The following L3MBTL4 variants were observed in gnomAD, a reference collection of about 807,000 sequenced individuals.
L3MBTL4 encodes the protein L3MBTL histone methyl-lysine binding protein 4.
L3MBTL4 carries 70 observed loss-of-function variants against 84.5 expected under a neutral mutation model. The observed-to-expected ratio is 0.83, with a 90% CI of 0.68 to 1.01. The LOEUF (loss-of-function observed/expected upper bound fraction) is 1.01. Among genes scored for constraint, L3MBTL4 ranks in the 50% least tolerant of loss-of-function variants. L3MBTL4 has a pLI of 0.00. For missense variants in L3MBTL4, 715 were observed against 754.8 expected (o/e 0.95, Z 0.62); for synonymous variants, 274 against 259.8 (o/e 1.05, Z -0.52).
chr18:6,105,048 T>C (rs1323783328), intron 14 of L3MBTL4, among the ~76,000 whole-genome samples: 1 of 152,160 alleles, frequency 6.6e-6, no homozygotes, highest in Admixed American at 6.5e-5. Flanking sequence ...GGGGCATTAA[T>C]ATAATTGGTG....
At chr18:6,080,742 A>G in intron 16 of L3MBTL4, 139 bp downstream of exon 16, 1 of 605,446 alleles carries the variant, frequency 1.7e-6, no homozygotes, top group Non-Finnish European at 2.8e-6. Context: ...CGGGAACTAG[A>G]ACACAAGTCT....
At chr18:6,117,919 G>A (rs1421570551) in intron 14 of L3MBTL4, among the ~76,000 whole-genome samples, 1 of 152,098 alleles carries the variant, frequency 6.6e-6, no homozygotes, top group Non-Finnish European at 1.5e-5. Flanking sequence ...CAGCCCTTAT[G>A]TTTACTGCAT....
intron 16 of L3MBTL4, among the ~76,000 whole-genome samples, chr18:6,034,462 A>G (rs1030626308): frequency 2.6e-4 from 40 of 152,264 alleles, no homozygotes; most frequent in African/African-American, 9.4e-4. Context: ...CCCTGTCCCT[A>G]CAAACGACAT....
chr18:6,379,042 G>A (rs1026689785), intron 1 of L3MBTL4, among the ~76,000 whole-genome samples: 1 of 152,176 alleles, frequency 6.6e-6, no homozygotes, highest in Non-Finnish European at 1.5e-5. Flanking sequence ...CACATCCCTT[G>A]TAAGTTGTAT....
In L3MBTL4 at chr18:5,969,469, C is replaced by G; in HGVS notation, c.1538G>C (p.Arg513Thr). 6.2e-7 allele frequency: 1 copy of G among 1,614,050 alleles called. No homozygotes were observed. The highest frequency in any genetic ancestry group is 8.5e-7 in the Non-Finnish European group (1 of 1,180,026). The change falls in exon 17 of 19, where the codon AGG becomes ACG. Residue 513 changes from arginine (R) to threonine (T), a missense_variant. By Grantham distance (71) the Arg-to-Thr change is moderately conservative (BLOSUM62 -1). Coordinates refer to ENST00000317931, the MANE Select transcript of L3MBTL4 (RefSeq NM_001330559.2). ...AHPFRDLPLG[R>T]EQHCKLLPGV... ...TGGAAGCAACTTGCAGTGTTGCTCC[C>G]TGCCGAGGGGAAGGTCCCGAAAAGG...
intron 1 of L3MBTL4, among the ~76,000 whole-genome samples, chr18:6,334,339 C>A (rs2052212237): frequency 6.6e-6 from 1 of 152,068 alleles, no homozygotes; most frequent in Admixed American, 6.6e-5. Flanking sequence ...AGAAATGATT[C>A]AACATTAACA....
At chr18:6,306,853 G>A (rs1465505538) in intron 3 of L3MBTL4, among the ~76,000 whole-genome samples, 1 of 152,198 alleles carries the variant, frequency 6.6e-6, no homozygotes, top group East Asian at 1.9e-4. Context: ...GAAGTGACTT[G>A]TCTTTTGCCA....
chr18:6,245,219 A>G (rs1011890410), intron 5 of L3MBTL4, among the ~76,000 whole-genome samples: 2 of 152,208 alleles, frequency 1.3e-5, no homozygotes, highest in African/African-American at 4.8e-5. Context: ...GAAAGAATTC[A>G]CTGTATAGTT....
intron 12 of L3MBTL4, among the ~76,000 whole-genome samples, chr18:6,203,448 C>G (rs2045734028): frequency 6.6e-6 from 1 of 152,148 alleles, no homozygotes; most frequent in Non-Finnish European, 1.5e-5. Context: ...ACTTCCTTTA[C>G]TTACAACACT....
intron 10 of L3MBTL4, among the ~76,000 whole-genome samples, chr18:6,221,415 G>T (rs1370751860): frequency 6.6e-6 from 1 of 152,122 alleles, no homozygotes; most frequent in African/African-American, 2.4e-5. Flanking sequence ...TATTGGATCT[G>T]CCAAGGGTCT....
chr18:6,276,168 C>T (rs2049069780), intron 4 of L3MBTL4, among the ~76,000 whole-genome samples: 1 of 152,222 alleles, frequency 6.6e-6, no homozygotes, highest in Non-Finnish European at 1.5e-5. Context: ...TTCGAGGTGT[C>T]CCGCCTTTCC....
intron 13 of L3MBTL4, among the ~76,000 whole-genome samples, chr18:6,151,008 C>T (rs1045082647): frequency 2.0e-5 from 3 of 152,168 alleles, no homozygotes; most frequent in Admixed American, 6.5e-5. Flanking sequence ...GCGCCAGGCT[C>T]CACAAGGTCA....
At chr18:6,393,336 TGAGTCCAGGCTCCTG>T (rs1232202733) in intron 1 of L3MBTL4, among the ~76,000 whole-genome samples, 1 of 152,160 alleles carries the variant, frequency 6.6e-6, no homozygotes, top group Non-Finnish European at 1.5e-5. Flanking sequence ...TGACTCCTGC[TGAGTCCAGGCTCCTG>T]GATTGTGTTC....
intron 13 of L3MBTL4, among the ~76,000 whole-genome samples, chr18:6,150,338 C>A (rs2042838710): frequency 6.6e-6 from 1 of 152,058 alleles, no homozygotes; most frequent in South Asian, 2.1e-4. Context: ...CTCAAACTAG[C>A]CTAACAGGGC....
intron 16 of L3MBTL4, among the ~76,000 whole-genome samples, chr18:6,058,928 T>A (rs2057113860): frequency 6.6e-6 from 1 of 152,204 alleles, no homozygotes; most frequent in Non-Finnish European, 1.5e-5. Context: ...AGAAAAATAC[T>A]GTGCAGTGTT....
chr18:6,084,491 A>G (rs2058192248), intron 15 of L3MBTL4, among the ~76,000 whole-genome samples: 1 of 152,202 alleles, frequency 6.6e-6, no homozygotes, highest in Admixed American at 6.5e-5. Flanking sequence ...CTGCTCCCCA[A>G]ACTGCCACAA....
At chr18:6,342,947 GA>G (rs542939606) in intron 1 of L3MBTL4, among the ~76,000 whole-genome samples, 1 of 151,442 alleles carries the variant, frequency 6.6e-6, no homozygotes, top group East Asian at 1.9e-4. Context: ...ACTTATATCA[GA>G]AAAAAAACTT....
At chr18:6,189,740 TA>T (rs1273287252) in intron 12 of L3MBTL4, among the ~76,000 whole-genome samples, 2 of 151,844 alleles carry the variant, frequency 1.3e-5, no homozygotes, top group Non-Finnish European at 2.9e-5. Context: ...TATCTGAAAT[TA>T]AGAATTCATT....
intron 5 of L3MBTL4, among the ~76,000 whole-genome samples, chr18:6,249,302 A>G (rs2047822605): frequency 6.6e-6 from 1 of 152,212 alleles, no homozygotes; most frequent in African/African-American, 2.4e-5. Context: ...CTGAAAGAAC[A>G]TTGTTCATGT....
Sources: gnomAD v4.1 joint callset for allele counts (sites outside exome capture counted in the v4.1 genomes callset) on GRCh38, gnomAD v4.1.1 for gene constraint, MANE v1.5 for transcripts, NCBI Gene and HGNC (gene_info 2026-07-23, HGNC 2026-07-21) for gene names.